TTC34: variants seen among roughly 807,000 people sequenced by gnomAD.
TTC34 encodes the protein tetratricopeptide repeat protein 34.
A neutral mutation model predicts 40.7 loss-of-function variants in TTC34; 44 were observed. The ratio of observed to expected loss-of-function variants is 1.08; its 90% CI spans 0.85 to 1.39. The LOEUF (loss-of-function observed/expected upper bound fraction) is 1.39, where lower values mean the gene tolerates loss of function less well. Ranked by LOEUF, TTC34 falls within the 40% of genes most tolerant of loss-of-function variation. TTC34 has a pLI of 0.00. For missense variants in TTC34, 884 were observed against 838.0 expected (o/e 1.05, Z -0.68); for synonymous variants, 422 against 398.6 (o/e 1.06, Z -0.70).
intron 6 of TTC34, among the ~76,000 whole-genome samples, chr1:2,652,391 G>T (rs1202064058): frequency 6.7e-6 from 1 of 150,038 alleles, no homozygotes; most frequent in African/African-American, 2.5e-5. Flanking sequence ...TGACAGCCTG[G>T]AGCAGCACGC....
intron 6 of TTC34, among the ~76,000 whole-genome samples, chr1:2,688,188 G>T (rs1332457696): frequency 3.0e-3 from 408 of 134,038 alleles, no homozygotes; most frequent in African/African-American, 0.011. Context: ...GCATCGGACA[G>T]CCTGGAGCAG....
chr1:2,787,655 T>C, exon 4 of TTC34: 1 of 1,549,748 alleles, frequency 6.5e-7, no homozygotes, highest in African/African-American at 1.4e-5. Flanking sequence ...CCTCGTCCTC[T>C]GAATCCAGCT....
intron 6 of TTC34, among the ~76,000 whole-genome samples, chr1:2,750,192 C>G (rs1641268952): frequency 4.7e-5 from 7 of 149,982 alleles, no homozygotes; most frequent in African/African-American, 1.7e-4. Context: ...CAGCCTGGGT[C>G]GGCACCCACA....
chr1:2,688,349 A>G (rs1308919522), intron 6 of TTC34, among the ~76,000 whole-genome samples: 2 of 129,528 alleles, frequency 1.5e-5, no homozygotes, highest in African/African-American at 3.4e-5. Flanking sequence ...AGCATCGGAC[A>G]GCCTGGAGCA....
intron 6 of TTC34, among the ~76,000 whole-genome samples, chr1:2,646,958 C>G (rs1639031106): frequency 6.6e-6 from 1 of 152,128 alleles, no homozygotes; most frequent in Non-Finnish European, 1.5e-5. Context: ...GTACTTTTTT[C>G]TTTTAGTGCC....
intron 6 of TTC34, among the ~76,000 whole-genome samples, chr1:2,686,303 A>C (rs1259201147): frequency 4.6e-5 from 6 of 129,712 alleles, no homozygotes; most frequent in South Asian, 2.4e-4. Flanking sequence ...ATCTGAACGC[A>C]CGGAGCAGCA....
At chr1:2,650,496 C>A (rs936146684) in intron 6 of TTC34, among the ~76,000 whole-genome samples, 1 of 151,364 alleles carries the variant, frequency 6.6e-6, no homozygotes, top group African/African-American at 2.4e-5. Context: ...GGAACAGGAC[C>A]CCACTACCCC....
At chr1:2,687,047 C>G (rs1570816478) in intron 6 of TTC34, among the ~76,000 whole-genome samples, 1 of 147,446 alleles carries the variant, frequency 6.8e-6, no homozygotes. Flanking sequence ...CCCACAACCC[C>G]AGGCGTGCAT....
At chr1:2,682,061 C>T (rs1640100964) in intron 6 of TTC34, among the ~76,000 whole-genome samples, 2 of 137,050 alleles carry the variant, frequency 1.5e-5, no homozygotes, top group African/African-American at 2.8e-5. Context: ...GAGCAGCACC[C>T]CACACCCACA....
exon 9 of TTC34, chr1:2,640,025 A>T (rs1264566640): frequency 2.6e-5 from 4 of 152,326 alleles, no homozygotes; most frequent in Non-Finnish European, 5.9e-5. Flanking sequence ...ATGATCCCAG[A>T]AGCGAAGTGG....
Position 2,645,294 on chromosome 1 carries a change from C to G in TTC34, c.2496G>C (p.Gln832His). Reference sequence around the variant, plus strand: ...TCCCACCTTGGGGCCGCCGCATACCCTGTGCCATGAGAATGTCTGCCAGGA... The same window carrying G: ...TCCCACCTTGGGGCCGCCGCATACCGTGTGCCATGAGAATGTCTGCCAGGA... Residue 832 changes from glutamine (Q) to histidine (H), a missense_variant and splice_region_variant, in exon 7 of 9, where the codon CAG becomes CAC. Gln to His is a conservative substitution (Grantham distance 24). Transcript: ENST00000401095. The surrounding 1 kb of genome is among the most constrained non-coding windows in gnomAD (Gnocchi z 4.7). The G allele has an allele frequency of 6.7e-7, 1 of 1,487,462 alleles. No homozygotes were observed. Among genetic ancestry groups the G allele is most frequent in the Non-Finnish European group, 8.9e-7 (1 of 1,120,756 alleles). 92.1% of individuals were successfully genotyped at this position (1,487,462 alleles called of 1,614,324 possible). A position where few individuals can be genotyped will look rare whatever the true frequency, so the allele number is the denominator to read the frequency against.
intron 6 of TTC34, among the ~76,000 whole-genome samples, chr1:2,769,629 AC>A (rs1160621804): frequency 0.018 from 2,023 of 113,714 alleles, 1 homozygote; most frequent in Non-Finnish European, 0.026. Flanking sequence ...CAGCACCCAC[AC>A]CCCCAGGTGA....
intron 3 of TTC34, 31 bp from the exon 4 acceptor site, chr1:2,787,737 C>T (rs892727637): frequency 6.8e-7 from 1 of 1,481,446 alleles, no homozygotes; most frequent in African/African-American, 1.4e-5. Context: ...GGGGGCATGC[C>T]CCTTTTGACA....
intron 6 of TTC34, among the ~76,000 whole-genome samples, chr1:2,778,067 C>G (rs564379305): frequency 2.0e-4 from 31 of 152,240 alleles, no homozygotes; most frequent in Non-Finnish European, 4.0e-4. Context: ...GGGGCCCAGG[C>G]TGGCACAGAA....
intron 6 of TTC34, among the ~76,000 whole-genome samples, chr1:2,691,882 C>G (rs1224944455): frequency 1.7e-5 from 1 of 57,598 alleles, no homozygotes; most frequent in Non-Finnish European, 4.1e-5. Context: ...GAGCATCCGA[C>G]AGCCAGGAGC....
At chr1:2,657,375 C>G (rs1407974416) in intron 6 of TTC34, among the ~76,000 whole-genome samples, 1 of 95,676 alleles carries the variant, frequency 1.0e-5, no homozygotes, top group African/African-American at 3.1e-5. Context: ...GGAGCAGCAC[C>G]CACACCCCGA....
intron 2 of TTC34, among the ~76,000 whole-genome samples, chr1:2,798,703 G>C (rs145203785): frequency 0.2 from 1,041 of 5,126 alleles, no homozygotes; most frequent in Middle Eastern, 0.5. Flanking sequence ...GCCCCCCAGC[G>C]TCCCAGCCTC....
chr1:2,646,303 T>G (rs143406474), intron 6 of TTC34, among the ~76,000 whole-genome samples: 1 of 152,302 alleles, frequency 6.6e-6, no homozygotes, highest in Non-Finnish European at 1.5e-5. Context: ...AGCAGTAAAT[T>G]CCATTATTCC....
intron 6 of TTC34, among the ~76,000 whole-genome samples, chr1:2,701,638 CA>C (rs1463833212): frequency 2.0e-5 from 1 of 51,272 alleles, no homozygotes; most frequent in African/African-American, 5.2e-5. Context: ...GACCATCTGA[CA>C]GCCTGAAGCA....
Sources: allele counts gnomAD v4.1 joint callset (sites outside exome capture counted in the v4.1 genomes callset), GRCh38; gene constraint gnomAD v4.1.1; non-coding constraint Gnocchi (gnomAD v3.1); transcripts MANE v1.5; gene names NCBI Gene and HGNC (gene_info 2026-07-23, HGNC 2026-07-21).